The following PTPRN2 variants were observed in gnomAD, a reference collection of about 807,000 sequenced individuals.
The protein encoded by PTPRN2 is protein tyrosine phosphatase receptor type N2.
In PTPRN2, 74 loss-of-function variants were observed where a neutral mutation model predicts 118.8. The observed-to-expected ratio is 0.62, with a 90% confidence interval of 0.52 to 0.76. The LOEUF (loss-of-function observed/expected upper bound fraction) is 0.76, where lower values mean the gene tolerates loss of function less well. PTPRN2 is among the 30% of genes least tolerant of loss of function. The pLI is 0.00. For synonymous variants in PTPRN2, 641 were observed against 608.0 expected (o/e 1.05, Z -0.80); for missense variants, 1,481 against 1,394.4 (o/e 1.06, Z -0.99).
chr7:158,046,644 C>T (rs543664104), intron 11 of PTPRN2, among the ~76,000 whole-genome samples: 4 of 152,260 alleles, frequency 2.6e-5, no homozygotes, highest in South Asian at 4.1e-4. Flanking sequence ...TAAAGGATGT[C>T]GAGACTTTAA....
In PTPRN2 at chr7:158,546,225, G is replaced by A. The variant is rs568665208; in HGVS notation, c.112+41333C>T. ...CTGAGAGGAACCATCAGGGAGCCTC[G>A]GTATCAGCATCACACTCCTGGTGAC... On this transcript the variant is annotated intron_variant, in intron 1 of 22. Transcript: ENST00000389418. This position sits in a 1 kb window ranked among gnomAD's most constrained non-coding sequence, Gnocchi z 5.0. 1.8e-4 allele frequency among the ~76,000 whole-genome samples: 28 copies of A among 152,282 alleles called. No homozygotes were observed. In the South Asian group the frequency reaches 2.3e-3, roughly 12 times the overall value.
chr7:157,822,144 A>C (rs1563144470), intron 12 of PTPRN2, among the ~76,000 whole-genome samples: 1 of 151,806 alleles, frequency 6.6e-6, no homozygotes, highest in Admixed American at 6.6e-5. Context: ...TCATCTACCC[A>C]CTCATCCATT....
intron 12 of PTPRN2, among the ~76,000 whole-genome samples, chr7:157,781,142 G>A (rs1275978667): frequency 2.6e-5 from 4 of 152,214 alleles, no homozygotes; most frequent in Non-Finnish European, 5.9e-5. Context: ...TATGGCCAGA[G>A]CACTGCCCTG....
At chr7:157,595,195 A>G in intron 17 of PTPRN2, 43 bp downstream of exon 17, 1 of 1,580,856 alleles carries the variant, frequency 6.3e-7, no homozygotes, top group South Asian at 1.1e-5. Context: ...AGTTATTGAG[A>G]TCTTCTTTTC....
chr7:158,406,682 T>C (rs1012728584), intron 2 of PTPRN2, among the ~76,000 whole-genome samples: 5 of 152,344 alleles, frequency 3.3e-5, no homozygotes, highest in African/African-American at 9.6e-5. Context: ...ACCTGCCCTG[T>C]TCACACACCT....
At chr7:158,309,242 G>A (rs1473285837) in intron 3 of PTPRN2, among the ~76,000 whole-genome samples, 1 of 3,942 alleles carries the variant, frequency 2.5e-4, no homozygotes, top group East Asian at 3.3e-3. Context: ...AGTGGACTGG[G>A]AGAGGCAGAC....
intron 3 of PTPRN2, among the ~76,000 whole-genome samples, chr7:158,295,110 G>A (rs113192795): frequency 8.1e-5 from 11 of 136,304 alleles, no homozygotes; most frequent in African/African-American, 2.0e-4. Flanking sequence ...TGGTTCACCC[G>A]CCTTTCCGAG....
intron 9 of PTPRN2, among the ~76,000 whole-genome samples, chr7:158,118,991 C>T (rs201228639): frequency 2.6e-5 from 4 of 152,312 alleles, no homozygotes; most frequent in Middle Eastern, 3.4e-3. Flanking sequence ...CATCAGCCAC[C>T]ACACCTGGCC....
chr7:157,870,941 T>C (rs1370706176), intron 12 of PTPRN2, among the ~76,000 whole-genome samples: 1 of 152,154 alleles, frequency 6.6e-6, no homozygotes, highest in Non-Finnish European at 1.5e-5. Flanking sequence ...TAGCTTTGGG[T>C]TTATTGGGCG....
intron 8 of PTPRN2, among the ~76,000 whole-genome samples, chr7:158,135,952 C>T (rs1169587057): frequency 6.6e-6 from 1 of 152,210 alleles, no homozygotes; most frequent in Non-Finnish European, 1.5e-5. Context: ...GTATTCACGA[C>T]CAAAGGTTCT....
chr7:157,549,724 A>C (rs1798499993), intron 21 of PTPRN2, among the ~76,000 whole-genome samples: 3 of 152,252 alleles, frequency 2.0e-5, no homozygotes, highest in Non-Finnish European at 2.9e-5. Context: ...TAGTAGACAG[A>C]TAATGAGCAA....
At position 158,574,469 on chromosome 7, in the gene PTPRN2, G is replaced by A. The variant is rs12671268; in HGVS notation, c.112+13089C>T. On this transcript the variant is annotated intron_variant, in intron 1 of 22. Coordinates refer to ENST00000389418, the MANE Select transcript of PTPRN2 (RefSeq NM_002847.5). The surrounding 1 kb of genome is among the most constrained non-coding windows in gnomAD (Gnocchi z 4.6). ...ATAAATGCACATTTCTGTTGGTGGCGCCATCAGACACTGAGACACTGAGAG... is the reference window on the plus strand; with the variant it reads ...ATAAATGCACATTTCTGTTGGTGGCACCATCAGACACTGAGACACTGAGAG... Among the ~76,000 whole-genome samples the A allele has an allele frequency of 0.21, 32,189 of 152,036 alleles. 3,688 individuals are homozygous for A. Among genetic ancestry groups the A allele is most frequent in the East Asian group, 0.42 (2,168 of 5,152 alleles).
At chr7:157,684,239 G>A (rs1454271964) in intron 12 of PTPRN2, among the ~76,000 whole-genome samples, 1 of 151,962 alleles carries the variant, frequency 6.6e-6, no homozygotes, top group Non-Finnish European at 1.5e-5. Context: ...TAATGGAAAC[G>A]CGGGTTAAAT....
chr7:157,994,900 A>G (rs4716869), intron 11 of PTPRN2, among the ~76,000 whole-genome samples: 52 of 5,012 alleles, frequency 0.01, 16 homozygotes, highest in East Asian at 0.018. Flanking sequence ...CCAGCTTACA[A>G]CTCCTTGTTC....
Position 158,504,863 on chromosome 7 carries a change from T to C in PTPRN2, c.113-15078A>G, listed in dbSNP as rs1357790280. Among the ~76,000 whole-genome samples, 5 of 152,268 alleles carry C rather than the reference T, an allele frequency of 3.3e-5. No homozygotes were observed. In the East Asian group the frequency reaches 7.7e-4, roughly 23 times the overall value. On this transcript the variant is annotated intron_variant, in intron 1 of 22. Transcript: ENST00000389418. ...ATACGCAATCTTGATTGTAAGTCCT[T>C]GGAGAGATCTCTGATTTTTTCCTCT...
chr7:157,656,668 G>C, intron 13 of PTPRN2, 117 bp from the exon 14 acceptor site: 2 of 1,107,990 alleles, frequency 1.8e-6, no homozygotes, highest in Non-Finnish European at 2.5e-6. Flanking sequence ...CAAGGTTCAG[G>C]CAGGCGAGAG....
rs1799098568 is a variant in PTPRN2 at position 157,559,982 on chromosome 7, T to C, written c.2902+8920A>G. Among the ~76,000 whole-genome samples, 4 of 152,080 alleles carry C rather than the reference T, an allele frequency of 2.6e-5. No homozygotes were observed. In the South Asian group the frequency reaches 8.3e-4, roughly 32 times the overall value. On this transcript the variant is annotated intron_variant, in intron 21 of 22. Transcript: ENST00000389418. Reference sequence around the variant, plus strand: ...CCTGTGTTGGAGGGAGGGGAGGGCCTGGATGGGCCTGGATGGGCTGGTGCC... The same window carrying C: ...CCTGTGTTGGAGGGAGGGGAGGGCCCGGATGGGCCTGGATGGGCTGGTGCC...
rs538176522 is a variant in PTPRN2, at chr7:158,059,725, G to A, written c.1723+21573C>T. Among the ~76,000 whole-genome samples, 104 of 99,290 alleles carry A rather than the reference G, an allele frequency of 1.0e-3. 1 individual carries two copies. The highest frequency in any genetic ancestry group is 3.8e-3 in the African/African-American group (96 of 25,124). The allele number at this position is 99,290 out of a possible 152,430, so 65.1% of individuals were successfully genotyped here. ...CTGCAGCCACACTCCATCTGCCCACGGTGACGCATCACTGCAGCCACACTC... is the reference window on the plus strand; with the variant it reads ...CTGCAGCCACACTCCATCTGCCCACAGTGACGCATCACTGCAGCCACACTC... On this transcript the variant is annotated intron_variant, in intron 11 of 22. Coordinates refer to ENST00000389418, the MANE Select transcript of PTPRN2 (RefSeq NM_002847.5).
intron 12 of PTPRN2, among the ~76,000 whole-genome samples, chr7:157,709,541 C>T (rs1798494426): frequency 6.6e-6 from 1 of 152,182 alleles, no homozygotes. Flanking sequence ...CCCAAGTGGG[C>T]ACCCCTCTGA....
Sources: gnomAD v4.1 joint callset for allele counts (sites outside exome capture counted in the v4.1 genomes callset) on GRCh38, gnomAD v4.1.1 for gene constraint, Gnocchi (gnomAD v3.1) non-coding constraint, MANE v1.5 for transcripts, NCBI Gene and HGNC (gene_info 2026-07-23, HGNC 2026-07-21) for gene names.